The following SAMD8 variants were observed in gnomAD, a reference collection of about 807,000 sequenced individuals.
The protein encoded by SAMD8 is sterile alpha motif domain containing 8, also known as sphingomyelin synthase-related protein 1.
A neutral mutation model predicts 42.0 loss-of-function variants in SAMD8; 20 were observed. The ratio of observed to expected loss-of-function variants is 0.48; its 90% CI spans 0.34 to 0.69. The LOEUF is 0.69. SAMD8 is among the 30% of genes least tolerant of loss of function. The pLI is 0.01. For missense variants in SAMD8, 328 were observed against 511.6 expected (o/e 0.64, Z 3.46); for synonymous variants, 162 against 173.0 (o/e 0.94, Z 0.50).
At chr10:75,099,607 G>T in exon 1 of SAMD8, 1 of 1,171,538 alleles carries the variant, frequency 8.5e-7, no homozygotes, top group East Asian at 3.2e-5. Context: ...GAGGCCTTGT[G>T]GACTGCAGTG....
At position 75,168,558 on chromosome 10, in the gene SAMD8, G is replaced by C; in HGVS notation, c.692G>C (p.Arg231Thr). The C allele has an allele frequency of 6.2e-7, 1 of 1,613,704 alleles. No individual in the cohort carries two copies. Among genetic ancestry groups the C allele is most frequent in the Non-Finnish European group, 8.5e-7 (1 of 1,179,744 alleles). The change falls in exon 4 of 6, where the codon AGG becomes ACG. Residue 231 changes from arginine to threonine, a missense_variant. Arg to Thr is a moderately conservative substitution (Grantham distance 71, BLOSUM62 -1). Coordinates refer to ENST00000542569, the MANE Select transcript of SAMD8 (RefSeq NM_001174156.2). The stretch of plus-strand genomic sequence containing the variant: ...TGTTACAGGTCAATACTTCTGCGAA[G>C]GCTCTGTAGTCTGATGGGAACTGTA... ...LHKHRSILLR[R>T]LCSLMGTVFL...
At chr10:75,113,228 A>C (rs72805334) in intron 1 of SAMD8, among the ~76,000 whole-genome samples, 1,744 of 152,328 alleles carry the variant, frequency 0.011, 11 homozygotes, top group Non-Finnish European at 0.015. Flanking sequence ...TTTAGTAGAG[A>C]TAAATTGACT....
At chr10:75,154,871 A>T (rs1447817263) in intron 2 of SAMD8, among the ~76,000 whole-genome samples, 1 of 152,104 alleles carries the variant, frequency 6.6e-6, no homozygotes. Flanking sequence ...GAGAGAAATC[A>T]AATATTATTC....
chr10:75,108,367 C>T (rs1848648002), upstream of SAMD8: 2 of 1,350,518 alleles, frequency 1.5e-6, no homozygotes. Flanking sequence ...CAGCCCTATA[C>T]CCAGAGCCCC....
chr10:75,129,650 G>T lies in SAMD8; in HGVS notation c.-16+17928G>T, dbSNP rs1212128866. ...TATAATCTTAGGGACAGTAGAAAAT[G>T]GTTTGTTTATATAGCCTTAGATACA... On this transcript the variant is annotated intron_variant, in intron 1 of 5. Transcript: ENST00000542569. 1.3e-5 allele frequency among the ~76,000 whole-genome samples: 2 copies of T among 152,114 alleles called. 1 individual carries two copies. Among genetic ancestry groups the T allele is most frequent in the Admixed American group, 1.3e-4 (2 of 15,266 alleles).
chr10:75,155,395 CAG>C (rs1840387810), intron 2 of SAMD8, among the ~76,000 whole-genome samples: 2 of 148,806 alleles, frequency 1.3e-5, no homozygotes, highest in African/African-American at 5.0e-5. Context: ...TTGAGAGAGA[CAG>C]AAATCTAGGC....
chr10:75,151,533 T>C (rs1840287318), intron 2 of SAMD8, among the ~76,000 whole-genome samples: 1 of 152,024 alleles, frequency 6.6e-6, no homozygotes, highest in Non-Finnish European at 1.5e-5. Flanking sequence ...TTTAAGTTTT[T>C]TGTAGAAATA....
intron 1 of SAMD8, among the ~76,000 whole-genome samples, chr10:75,148,346 C>CTTTTTTTTTGTTTTTTTTTTTT (rs1840193790): frequency 1.2e-5 from 1 of 82,564 alleles, no homozygotes; most frequent in Non-Finnish European, 2.0e-5. Context: ...GCAATACCAG[C>CTTTTTTTTTGTTTTTTTTTTTT]TTTTTTTTTT....
At chr10:75,116,782 A>G (rs1848891008) in intron 1 of SAMD8, among the ~76,000 whole-genome samples, 1 of 152,108 alleles carries the variant, frequency 6.6e-6, no homozygotes, top group Non-Finnish European at 1.5e-5. Flanking sequence ...CTCATTTTCC[A>G]TTATATTGAT....
chr10:75,101,807 A>C, intron 1 of SAMD8: 1 of 1,123,836 alleles, frequency 8.9e-7, no homozygotes, highest in Non-Finnish European at 1.2e-6. Flanking sequence ...CCTGGCCCTC[A>C]TTACCCAGCA....
intron 1 of SAMD8, among the ~76,000 whole-genome samples, chr10:75,121,772 A>T (rs1317763139): frequency 6.6e-6 from 1 of 151,980 alleles, no homozygotes; most frequent in Non-Finnish European, 1.5e-5. Flanking sequence ...GCTCACTGCA[A>T]CCTCTGCCTC....
intron 1 of SAMD8, among the ~76,000 whole-genome samples, chr10:75,131,021 A>C (rs963247774): frequency 3.3e-5 from 5 of 152,234 alleles, no homozygotes; most frequent in African/African-American, 1.2e-4. Flanking sequence ...CAAGAGGTAG[A>C]AAATATAAAA....
At chr10:75,170,335 A>C (rs1295960305) in intron 4 of SAMD8, among the ~76,000 whole-genome samples, 1 of 152,222 alleles carries the variant, frequency 6.6e-6, no homozygotes, top group Admixed American at 6.5e-5. Context: ...CACTTCTTGT[A>C]CTGCAATATC....
rs1332812445 is a variant in SAMD8 at position 75,180,333 on chromosome 10, G to A, written c.*3641G>A. Reference sequence around the variant, plus strand: ...TAATCCCAGCACTTTAGGAGGCTGAGGCAGGCAGATCACGAGGTCAGGAGT... The same window carrying A: ...TAATCCCAGCACTTTAGGAGGCTGAAGCAGGCAGATCACGAGGTCAGGAGT... On this transcript the variant is annotated 3_prime_UTR_variant, in exon 6 of 6. Coordinates refer to ENST00000542569, the MANE Select transcript of SAMD8 (RefSeq NM_001174156.2). 6.6e-6 allele frequency: 1 copy of A among 152,230 alleles called. No individual in the cohort carries two copies. Among genetic ancestry groups the A allele is most frequent in the Non-Finnish European group, 1.5e-5 (1 of 68,066 alleles). 9.4% of individuals were successfully genotyped at this position (152,230 alleles called of 1,614,324 possible).
At chr10:75,133,851 G>C (rs1849326568) in intron 1 of SAMD8, among the ~76,000 whole-genome samples, 1 of 152,222 alleles carries the variant, frequency 6.6e-6, no homozygotes, top group African/African-American at 2.4e-5. Context: ...TGGTCAGCAA[G>C]TACAAAATTA....
At chr10:75,122,357 A>C (rs1311834016) in intron 1 of SAMD8, among the ~76,000 whole-genome samples, 1 of 152,112 alleles carries the variant, frequency 6.6e-6, no homozygotes, top group East Asian at 1.9e-4. Context: ...CACGCCTGTA[A>C]TCTCAGCACT....
chr10:75,105,807 G>A, intron 1 of SAMD8: 1 of 1,551,042 alleles, frequency 6.4e-7, no homozygotes, highest in East Asian at 2.4e-5. Flanking sequence ...GCAGCATGAG[G>A]TAGGCCAGGA....
chr10:75,146,739 A>G (rs1840146272), intron 1 of SAMD8, among the ~76,000 whole-genome samples: 1 of 152,184 alleles, frequency 6.6e-6, no homozygotes, highest in South Asian at 2.1e-4. Context: ...GAATTCTTAA[A>G]CATTTACTAA....
At position 75,129,310 on chromosome 10, in the gene SAMD8, G is replaced by A. The variant is rs553524173; in HGVS notation, c.-16+17588G>A. Among the ~76,000 whole-genome samples, 13 of 151,896 alleles carry A rather than the reference G, an allele frequency of 8.6e-5. No individual in the cohort carries two copies. The South Asian group carries it at 1.5e-3, about 17-fold the overall frequency. On this transcript the variant is annotated intron_variant, in intron 1 of 5. Transcript: ENST00000542569. ...GGCTGGAGTGCAGTGGCATGATCTC[G>A]GCTCACTGCAACCTCCAACTCCCTG...
Sources: allele counts gnomAD v4.1 joint callset (sites outside exome capture counted in the v4.1 genomes callset), GRCh38; gene constraint gnomAD v4.1.1; transcripts MANE v1.5; gene names NCBI Gene and HGNC (gene_info 2026-07-23, HGNC 2026-07-21).